Variants in ALCAM observed in about 807,000 individuals in gnomAD.
ALCAM encodes CD166 antigen.
Under a neutral mutation model 70.9 loss-of-function variants are expected in ALCAM, and 30 were observed. That is an observed-to-expected ratio of 0.42 (90% CI 0.32 to 0.57). The LOEUF (loss-of-function observed/expected upper bound fraction) is 0.57, where lower values mean the gene tolerates loss of function less well. Among genes scored for constraint, ALCAM ranks in the 20% least tolerant of loss-of-function variants. The probability of loss-of-function intolerance (pLI) is 0.11; values close to 1 mark genes in which losing one functional copy is unlikely to be tolerated. For missense variants in ALCAM, 591 were observed against 695.1 expected, an observed-to-expected ratio of 0.85 and a Z score of 1.68; for synonymous variants, 249 against 242.5, an observed-to-expected ratio of 1.03 and a Z score of -0.25.
At chr3:105,525,272 A>C in intron 3 of ALCAM, 1 of 984,326 alleles carries the variant, frequency 1.0e-6, no homozygotes, top group Non-Finnish European at 1.2e-6. Context: ...TATAGTCACT[A>C]TGACAAAATT....
chr3:105,372,656 T>G (rs762359407), intron 1 of ALCAM, among the ~76,000 whole-genome samples: 21 of 152,146 alleles, frequency 1.4e-4, no homozygotes, highest in Admixed American at 2.6e-4. Flanking sequence ...TATACTTGTC[T>G]GGTCTAAGAA....
intron 1 of ALCAM, among the ~76,000 whole-genome samples, chr3:105,458,977 G>A (rs1432319292): frequency 6.6e-6 from 1 of 152,080 alleles, no homozygotes; most frequent in Non-Finnish European, 1.5e-5. Flanking sequence ...TGGAATAAAA[G>A]CCAAATTCTT....
chr3:105,393,800 A>C (rs1224206541), intron 1 of ALCAM, among the ~76,000 whole-genome samples: 3 of 151,974 alleles, frequency 2.0e-5, no homozygotes, highest in African/African-American at 7.2e-5. Flanking sequence ...TTCTATAACC[A>C]TAATTCTTCA....
At chr3:105,562,400 A>G (rs1940645852) in intron 14 of ALCAM, among the ~76,000 whole-genome samples, 1 of 152,188 alleles carries the variant, frequency 6.6e-6, no homozygotes, top group Non-Finnish European at 1.5e-5. Context: ...TATTAAAATA[A>G]TCATATTGTT....
intron 1 of ALCAM, among the ~76,000 whole-genome samples, chr3:105,368,223 A>AAGAGAGAGAGAGGAGAGAGAGAG: frequency 2.9e-5 from 2 of 67,832 alleles, no homozygotes; most frequent in South Asian, 1.5e-3. Context: ...TGAGTCTTGG[A>AAGAGAGAGAGAGGAGAGAGAGAG]AGAGAGAGAG....
chr3:105,512,755 CT>C (rs1483754749), intron 1 of ALCAM, among the ~76,000 whole-genome samples: 3 of 151,716 alleles, frequency 2.0e-5, no homozygotes, highest in Admixed American at 2.0e-4. Context: ...GAAAATCATA[CT>C]TTGCTAGTTA....
chr3:105,500,489 A>G (rs1448243550), intron 1 of ALCAM, among the ~76,000 whole-genome samples: 1 of 152,214 alleles, frequency 6.6e-6, no homozygotes, highest in Non-Finnish European at 1.5e-5. Flanking sequence ...TTTAAAATTT[A>G]ATATACGAAA....
intron 1 of ALCAM, among the ~76,000 whole-genome samples, chr3:105,468,908 G>A (rs1197687216): frequency 6.6e-6 from 1 of 151,158 alleles, no homozygotes; most frequent in Non-Finnish European, 1.5e-5. Flanking sequence ...TATTAATCTT[G>A]AGCATGAATG....
chr3:105,415,275 G>A (rs1936480464), intron 1 of ALCAM, among the ~76,000 whole-genome samples: 1 of 152,088 alleles, frequency 6.6e-6, no homozygotes, highest in South Asian at 2.1e-4. Flanking sequence ...TTGAGACGAA[G>A]TGCCTCAAAA....
intron 1 of ALCAM, among the ~76,000 whole-genome samples, chr3:105,378,085 A>C (rs1935422085): frequency 6.6e-6 from 1 of 151,960 alleles, no homozygotes; most frequent in Admixed American, 6.6e-5. Flanking sequence ...ATTTTGTATA[A>C]ACTGATAAAA....
intron 1 of ALCAM, among the ~76,000 whole-genome samples, chr3:105,419,515 C>T (rs868026874): frequency 7.2e-5 from 11 of 151,826 alleles, no homozygotes; most frequent in South Asian, 2.1e-4. Flanking sequence ...AGAGGTGATA[C>T]GCCAAACTGC....
Position 105,393,886 on chromosome 3 carries a change from A to G in ALCAM, c.73+26405A>G, listed in dbSNP as rs146100161. ...CTATTATTTATTTCCATGAAGATAC[A>G]TGTAAGTTTTCCACATGATTTGGAA... On this transcript the variant is annotated intron_variant, in intron 1 of 15. Transcript: ENST00000306107. Among the ~76,000 whole-genome samples, 4 of 146,844 alleles carry G rather than the reference A, an allele frequency of 2.7e-5. No homozygotes were observed. In the East Asian group the frequency reaches 9.2e-4, roughly 34 times the overall value.
rs1940435134 is a variant in ALCAM at position 105,552,550 on chromosome 3, T to C, written c.1629T>C (p.Ala543=). 1 of 1,611,624 alleles carries C rather than the reference T, an allele frequency of 6.2e-7. No homozygotes were observed. Among genetic ancestry groups the C allele is most frequent in the African/African-American group, 1.3e-5 (1 of 74,750 alleles). The change falls in exon 14 of 16, where the codon GCT becomes GCC. Residue 543 remains alanine (A), a synonymous_variant. Coordinates refer to ENST00000306107, the MANE Select transcript of ALCAM (RefSeq NM_001627.4). ...VVGLLLAALV[A]GVVYWLYMKK... The stretch of plus-strand genomic sequence containing the variant: ...GTCTCCTCCTTGCTGCCCTTGTTGC[T>C]GGTGTCGTCTACTGGCTGTACATGA...
intron 1 of ALCAM, among the ~76,000 whole-genome samples, chr3:105,421,969 G>GT (rs1936662291): frequency 2.0e-5 from 3 of 151,160 alleles, no homozygotes; most frequent in South Asian, 4.1e-4. Context: ...CCAATATGTA[G>GT]TTTTTTATCC....
chr3:105,481,136 G>A (rs530447203), intron 1 of ALCAM, among the ~76,000 whole-genome samples: 3 of 152,110 alleles, frequency 2.0e-5, no homozygotes, highest in Non-Finnish European at 2.9e-5. Flanking sequence ...GGTGAAAAGT[G>A]AAATGTATCT....
intron 1 of ALCAM, among the ~76,000 whole-genome samples, chr3:105,502,754 C>T (rs1329171632): frequency 2.0e-5 from 3 of 152,240 alleles, no homozygotes; most frequent in African/African-American, 4.8e-5. Flanking sequence ...CTGAAATTCA[C>T]TAGTAACCAA....
At chr3:105,447,051 A>T (rs1937317864) in intron 1 of ALCAM, among the ~76,000 whole-genome samples, 1 of 152,176 alleles carries the variant, frequency 6.6e-6, no homozygotes, top group Admixed American at 6.5e-5. Context: ...GAAGTTATGG[A>T]TATGCTAAAT....
intron 1 of ALCAM, among the ~76,000 whole-genome samples, chr3:105,453,702 A>T (rs71623446): frequency 3.3e-5 from 5 of 152,224 alleles, no homozygotes; most frequent in Middle Eastern, 3.2e-3. Context: ...CCTATCCATG[A>T]GGATGGAATG....
At chr3:105,507,437 C>T (rs1015304148) in intron 1 of ALCAM, among the ~76,000 whole-genome samples, 1 of 152,158 alleles carries the variant, frequency 6.6e-6, no homozygotes, top group East Asian at 1.9e-4. Context: ...TCCTCCCTCC[C>T]TTGAGACCCT....
Sources: gnomAD v4.1 joint callset for allele counts (sites outside exome capture counted in the v4.1 genomes callset) on GRCh38, gnomAD v4.1.1 for gene constraint, MANE v1.5 for transcripts, NCBI Gene and HGNC (gene_info 2026-07-23, HGNC 2026-07-21) for gene names.